The following SH3RF1 variants were observed in gnomAD, a reference collection of about 807,000 sequenced individuals.
SH3RF1 encodes the protein E3 ubiquitin-protein ligase SH3RF1.
SH3RF1 carries 32 observed loss-of-function variants against 74.0 expected under a neutral mutation model. The observed-to-expected ratio is 0.43, with a 90% CI of 0.33 to 0.58. SH3RF1 has a LOEUF of 0.58. Among genes scored for constraint, SH3RF1 ranks in the 20% least tolerant of loss-of-function variants. The pLI is 0.05. For synonymous variants in SH3RF1, 396 were observed against 439.6 expected (o/e 0.90, Z 1.24); for missense variants, 954 against 1,130.9 (o/e 0.84, Z 2.24).
chr4:169,243,067 C>G (rs1003078700), intron 2 of SH3RF1, among the ~76,000 whole-genome samples: 1 of 152,174 alleles, frequency 6.6e-6, no homozygotes, highest in African/African-American at 2.4e-5. Flanking sequence ...TCTTCAAACC[C>G]CTTCTCCCAA....
intron 10 of SH3RF1, among the ~76,000 whole-genome samples, chr4:169,111,340 G>T (rs551734123): frequency 3.8e-4 from 57 of 148,918 alleles, no homozygotes; most frequent in African/African-American, 1.3e-3. Context: ...CTGTAGCCTT[G>T]ACCTCCTGGG....
chr4:169,222,947 C>G (rs1730591717), intron 2 of SH3RF1, among the ~76,000 whole-genome samples: 1 of 152,174 alleles, frequency 6.6e-6, no homozygotes, highest in Non-Finnish European at 1.5e-5. Flanking sequence ...CACCCCTGTC[C>G]TCGCATGGAT....
chr4:169,168,485 CTG>C (rs1403873179), intron 2 of SH3RF1, among the ~76,000 whole-genome samples: 1 of 152,142 alleles, frequency 6.6e-6, no homozygotes, highest in East Asian at 1.9e-4. Context: ...GCTGTAGAAA[CTG>C]AGATGTATTA....
Position 169,130,071 on chromosome 4 carries a change from T to A in SH3RF1, c.1154A>T (p.Asp385Val). Residue 385 changes from aspartate (D) to valine (V), a missense_variant, in exon 6 of 12, where the codon GAT becomes GTT. Asp to Val is a radical substitution (Grantham distance 152). Around this residue, in one of 3 missense-constraint regions of SH3RF1, gnomAD observed 854 missense variants for 962.5 expected, o/e 0.89. Transcript: ENST00000284637. ...TTGPSFTFPS[D>V]VPYQAALGTL... Reference sequence around the variant, plus strand: ...TCCAAGGGCAGCTTGGTAGGGAACATCTGATGGGAAAGTAAACGAGGGGCC... The same window carrying A: ...TCCAAGGGCAGCTTGGTAGGGAACAACTGATGGGAAAGTAAACGAGGGGCC... The A allele has an allele frequency of 1.2e-6, 2 of 1,613,628 alleles. No individual in the cohort carries two copies. The highest frequency in any genetic ancestry group is 1.7e-6 in the Non-Finnish European group (2 of 1,179,870).
At chr4:169,252,821 T>C (rs888030247) in intron 2 of SH3RF1, among the ~76,000 whole-genome samples, 3 of 152,192 alleles carry the variant, frequency 2.0e-5, no homozygotes, top group African/African-American at 7.2e-5. Context: ...ACATAAGGCA[T>C]GTTAAATAAA....
At chr4:169,099,922 G>A (rs901041752) in intron 11 of SH3RF1, among the ~76,000 whole-genome samples, 9 of 152,162 alleles carry the variant, frequency 5.9e-5, no homozygotes, top group African/African-American at 1.2e-4. Flanking sequence ...ACTACCAGGT[G>A]CAGGAGTAAT....
intron 2 of SH3RF1, among the ~76,000 whole-genome samples, chr4:169,202,825 T>G (rs1318353794): frequency 6.6e-6 from 1 of 152,210 alleles, no homozygotes; most frequent in Non-Finnish European, 1.5e-5. Context: ...CTTAATAAAT[T>G]TACCATTATA....
At chr4:169,108,882 G>A (rs1733193968) in intron 10 of SH3RF1, among the ~76,000 whole-genome samples, 1 of 152,182 alleles carries the variant, frequency 6.6e-6, no homozygotes, top group Non-Finnish European at 1.5e-5. Context: ...TACTGGAAGA[G>A]GATGAAACCA....
intron 2 of SH3RF1, among the ~76,000 whole-genome samples, chr4:169,161,382 C>A (rs1225904200): frequency 6.6e-6 from 1 of 152,136 alleles, no homozygotes; most frequent in Non-Finnish European, 1.5e-5. Context: ...TACAGGTTGT[C>A]TTTTAAGATA....
At chr4:169,127,453 A>G (rs1404421608) in intron 6 of SH3RF1, among the ~76,000 whole-genome samples, 1 of 152,246 alleles carries the variant, frequency 6.6e-6, no homozygotes, top group Non-Finnish European at 1.5e-5. Flanking sequence ...CACAATTAAT[A>G]TAAGATGCAG....
intron 2 of SH3RF1, among the ~76,000 whole-genome samples, chr4:169,170,333 A>C (rs1193981238): frequency 6.6e-6 from 1 of 152,234 alleles, no homozygotes; most frequent in Non-Finnish European, 1.5e-5. Flanking sequence ...CCATGCGTGC[A>C]CCTGAGACTA....
chr4:169,224,212 T>C (rs1462197322), intron 2 of SH3RF1, among the ~76,000 whole-genome samples: 1 of 152,100 alleles, frequency 6.6e-6, no homozygotes, highest in African/African-American at 2.4e-5. Context: ...TATGGCCTTG[T>C]GGTCATAAAT....
At chr4:169,138,133 A>C (rs1733729237) in intron 4 of SH3RF1, among the ~76,000 whole-genome samples, 1 of 152,200 alleles carries the variant, frequency 6.6e-6, no homozygotes, top group Admixed American at 6.5e-5. Context: ...TTTTCAAGGC[A>C]ATTGGCCAGG....
At position 169,116,302 on chromosome 4, in the gene SH3RF1, G is replaced by T. The variant is rs751230294; in HGVS notation, c.2106C>A (p.Asn702Lys). ...CCTTGTCTGGTTTGGTTGCTGAACT[G>T]TTCCCACAAGCTGATGAAGCACTGT... ...SPDSASSACG[N>K]SSATKPDKDS... The change falls in exon 10 of 12, where the codon AAC becomes AAA. Residue 702 changes from asparagine (N) to lysine (K), a missense_variant. Physicochemically the swap from Asn to Lys is moderately conservative, Grantham distance 94. This residue lies in a region of SH3RF1 where 854 missense variants were observed against 962.5 expected (regional missense o/e 0.89). Transcript: ENST00000284637. The T allele has an allele frequency of 6.2e-7, 1 of 1,613,412 alleles. No individual in the cohort carries two copies.
In SH3RF1 at chr4:169,118,587, C is replaced by T. The variant is rs572154084; in HGVS notation, c.1518-805G>A. 9.2e-5 allele frequency among the ~76,000 whole-genome samples: 14 copies of T among 152,066 alleles called. No individual in the cohort carries two copies. The South Asian group carries it at 2.9e-3, about 32-fold the overall frequency. On this transcript the variant is annotated intron_variant, in intron 8 of 11. Coordinates refer to ENST00000284637, the MANE Select transcript of SH3RF1 (RefSeq NM_020870.4). ...TCTCCTGTCTAAGCCTCCCGAGTAG[C>T]TGGGAGTACAGGCACGCGCCACCAT...
chr4:169,102,965 T>C (rs1295405930), intron 11 of SH3RF1, among the ~76,000 whole-genome samples: 4 of 126,534 alleles, frequency 3.2e-5, no homozygotes, highest in Admixed American at 1.0e-4. Flanking sequence ...TCTGTCAGGC[T>C]GGATGGAGTG....
intron 4 of SH3RF1, among the ~76,000 whole-genome samples, chr4:169,151,274 A>C (rs376042344): frequency 3.9e-5 from 6 of 152,210 alleles, no homozygotes; most frequent in African/African-American, 1.4e-4. Context: ...ATAACTGGAA[A>C]TACTCACAGA....
At chr4:169,109,949 T>C (rs1415313696) in intron 10 of SH3RF1, among the ~76,000 whole-genome samples, 2 of 151,372 alleles carry the variant, frequency 1.3e-5, no homozygotes, top group Non-Finnish European at 2.9e-5. Context: ...GAGGTTGAAG[T>C]TGCAGTGAGC....
chr4:169,097,593 C>G (rs1308937069), intron 11 of SH3RF1, among the ~76,000 whole-genome samples: 5 of 152,136 alleles, frequency 3.3e-5, no homozygotes, highest in Admixed American at 3.3e-4. Context: ...CACTCTATAT[C>G]CTTTTATCTT....
Sources: allele counts gnomAD v4.1 joint callset (sites outside exome capture counted in the v4.1 genomes callset), GRCh38; gene constraint gnomAD v4.1.1; regional missense constraint gnomAD v4.1.1; transcripts MANE v1.5; gene names NCBI Gene and HGNC (gene_info 2026-07-23, HGNC 2026-07-21).